The following SFI1 variants were observed in gnomAD, a reference collection of about 807,000 sequenced individuals.
SFI1 encodes the protein SFI1 centrin binding protein.
A neutral mutation model predicts 207.5 loss-of-function variants in SFI1; 195 were observed. The observed-to-expected ratio is 0.94, with a 90% CI of 0.84 to 1.06. SFI1 has a LOEUF of 1.06. Ranked by LOEUF, SFI1 falls within the 50% of genes least tolerant of loss-of-function variation. The pLI, the probability that SFI1 is intolerant of heterozygous loss-of-function variation, is 0.00. For missense variants in SFI1, 1,634 were observed against 1,588.0 expected (o/e 1.03, Z -0.49); for synonymous variants, 630 against 598.9 (o/e 1.05, Z -0.76).
intron 4 of SFI1, among the ~76,000 whole-genome samples, chr22:31,537,987 T>C (rs2059146576): frequency 6.6e-6 from 1 of 152,130 alleles, no homozygotes; most frequent in Non-Finnish European, 1.5e-5. Flanking sequence ...TTGTTTGTTT[T>C]TGAGACCGAG....
intron 17 of SFI1, among the ~76,000 whole-genome samples, 169 bp from the exon 18 acceptor site, chr22:31,603,575 T>A (rs914729788): frequency 2.0e-5 from 3 of 152,180 alleles, no homozygotes; most frequent in African/African-American, 7.2e-5. Context: ...CAAAATTTGA[T>A]CATAGGTGCT....
At chr22:31,564,284 G>A (rs368214432) in intron 8 of SFI1, among the ~76,000 whole-genome samples, 1,742 of 146,040 alleles carry the variant, frequency 0.012, 11 homozygotes, top group Middle Eastern at 0.033. Context: ...CTGAGATCAC[G>A]CCACTGCACT....
intron 15 of SFI1, among the ~76,000 whole-genome samples, chr22:31,599,475 C>A (rs1022996540): frequency 4.6e-5 from 7 of 151,776 alleles, no homozygotes; most frequent in Admixed American, 6.6e-5. Flanking sequence ...TATAGGCACA[C>A]GCCACCACGC....
At chr22:31,555,405 A>G (rs1236133674) in intron 6 of SFI1, among the ~76,000 whole-genome samples, 4 of 152,172 alleles carry the variant, frequency 2.6e-5, no homozygotes, top group Non-Finnish European at 1.5e-5. Flanking sequence ...TATTTCTGAC[A>G]TAAGACAAGT....
At chr22:31,599,620 G>A (rs573591464) in intron 15 of SFI1, among the ~76,000 whole-genome samples, 6 of 150,646 alleles carry the variant, frequency 4.0e-5, no homozygotes, top group African/African-American at 1.5e-4. Context: ...GTGAGCCACC[G>A]TGCCTAGCCC....
Position 31,530,978 on chromosome 22 carries a change from T to C in SFI1, c.267-80T>C, listed in dbSNP as rs2058460736. On this transcript the variant is annotated intron_variant, in intron 3 of 32. Transcript: ENST00000400288. ...ATCCCTCTGCTGAGACCTTAAAGGC[T>C]TCCTTTCCTTTCCAGAAAACTGCTG... 8 of 1,203,388 alleles carry C rather than the reference T, an allele frequency of 6.6e-6. No homozygotes were observed. The South Asian group carries it at 7.8e-5, about 12-fold the overall frequency. 74.5% of individuals were successfully genotyped at this position (1,203,388 alleles called of 1,614,324 possible).
At chr22:31,497,501 T>C (rs1392179256) in intron 1 of SFI1, among the ~76,000 whole-genome samples, 5 of 152,150 alleles carry the variant, frequency 3.3e-5, no homozygotes, top group Non-Finnish European at 5.9e-5. Context: ...GTCTGACTGC[T>C]CCACTACCTG....
At chr22:31,617,980 A>G in intron 31 of SFI1, 135 bp from the exon 32 acceptor site, 1 of 934,306 alleles carries the variant, frequency 1.1e-6, no homozygotes, top group Non-Finnish European at 1.6e-6. Flanking sequence ...CCTGCAGTTC[A>G]GGTCAGGGGC....
chr22:31,618,360 G>A lies in SFI1; in HGVS notation c.3671G>A (p.Arg1224His), dbSNP rs200066827. The change falls in exon 33 of 33, where the codon CGC (arginine) becomes CAC (histidine). Residue 1224 changes from arginine to histidine, a missense_variant. Transcript: ENST00000400288. ...CTGGCAGAGGAGCTCCAGGCTCAGC[G>A]CCAGCCCATTGGCGCCTGCGTTGCC... ...QLLAEELQAQ[R>H]QPIGACVARI... The A allele has an allele frequency of 1.9e-5, 31 of 1,608,478 alleles. No individual in the cohort carries two copies. Among genetic ancestry groups the A allele is most frequent in the East Asian group, 8.9e-5 (4 of 44,730 alleles).
At chr22:31,569,068 A>G (rs62237773) in intron 8 of SFI1, among the ~76,000 whole-genome samples, 7,376 of 152,266 alleles carry the variant, frequency 0.048, 173 homozygotes, top group African/African-American at 0.064. Flanking sequence ...CCTTTCCTAT[A>G]TAAACTGTTA....
chr22:31,577,229 G>A (rs1289569562), intron 10 of SFI1, among the ~76,000 whole-genome samples: 1 of 152,208 alleles, frequency 6.6e-6, no homozygotes, highest in Non-Finnish European at 1.5e-5. Context: ...AGGAGGTAAT[G>A]TTTGTGCAGA....
At chr22:31,614,579 T>C (rs1295685971) in intron 27 of SFI1, 2 of 701,600 alleles carry the variant, frequency 2.9e-6, no homozygotes, top group African/African-American at 1.7e-5. Context: ...AAAGAGACAA[T>C]GTGGGTGAAG....
At chr22:31,535,767 A>T (rs1175251527) in intron 4 of SFI1, among the ~76,000 whole-genome samples, 2 of 151,864 alleles carry the variant, frequency 1.3e-5, no homozygotes, top group Non-Finnish European at 2.9e-5. Flanking sequence ...TTTTTTAGAG[A>T]CGAGGTCTCG....
In SFI1 at chr22:31,606,375, A is replaced by C; in HGVS notation, c.2102A>C (p.Glu701Ala). The C allele has an allele frequency of 6.2e-7, 1 of 1,613,902 alleles. No individual in the cohort carries two copies. Among genetic ancestry groups the C allele is most frequent in the Admixed American group, 1.7e-5 (1 of 60,008 alleles). The change falls in exon 21 of 33, where the codon GAA becomes GCA. Residue 701 changes from glutamate to alanine, a missense_variant. Glu to Ala is a moderately radical substitution (Grantham distance 107). Transcript: ENST00000400288. Reference protein sequence around the residue: ...WKENTMARVDEAKKTFQASTH... With the variant: ...WKENTMARVDAAKKTFQASTH... ...GAGAACACCATGGCCCGAGTGGATGAAGCCAAAAAAACCTTTCAAGCAAGT... is the reference window on the plus strand; with the variant it reads ...GAGAACACCATGGCCCGAGTGGATGCAGCCAAAAAAACCTTTCAAGCAAGT...
At position 31,606,460 on chromosome 22, in the gene SFI1, C is replaced by G. The variant is rs2068985349; in HGVS notation, c.2157+30C>G. On this transcript the variant is annotated intron_variant, in intron 21 of 32. Transcript: ENST00000400288. The stretch of plus-strand genomic sequence containing the variant: ...GGTATAAGGAGGCAAGCTGGTCACC[C>G]AGGAGAGTTGGGACTGTGTTCTGGT... 6 of 1,587,726 alleles carry G rather than the reference C, an allele frequency of 3.8e-6. No homozygotes were observed. The East Asian group carries it at 1.3e-4, about 36-fold the overall frequency.
chr22:31,540,796 G>A (rs1217197856), intron 4 of SFI1, among the ~76,000 whole-genome samples: 2 of 151,858 alleles, frequency 1.3e-5, no homozygotes, highest in African/African-American at 4.8e-5. Context: ...TGGCCAGGCC[G>A]GTCTCGGACT....
chr22:31,556,892 G>A, intron 6 of SFI1, 50 bp from the exon 7 acceptor site: 1 of 1,285,742 alleles, frequency 7.8e-7, no homozygotes, highest in Non-Finnish European at 1.1e-6. Context: ...ATAACCCAGA[G>A]TAATCCATCT....
At chr22:31,615,391 G>A in intron 29 of SFI1, 112 bp downstream of exon 29, 1 of 1,009,178 alleles carries the variant, frequency 9.9e-7, no homozygotes, top group Non-Finnish European at 1.4e-6. Context: ...GCACAGGGAG[G>A]CCACTCATCC....
intron 1 of SFI1, among the ~76,000 whole-genome samples, chr22:31,502,287 A>C (rs1487583742): frequency 6.6e-6 from 1 of 152,110 alleles, no homozygotes; most frequent in Middle Eastern, 3.2e-3. Context: ...ATTTTGCTTA[A>C]AGTTGCCGTT....
Sources: allele counts gnomAD v4.1 joint callset (sites outside exome capture counted in the v4.1 genomes callset), GRCh38; gene constraint gnomAD v4.1.1; transcripts MANE v1.5; gene names NCBI Gene and HGNC (gene_info 2026-07-23, HGNC 2026-07-21).